RASSF3: variants seen among roughly 807,000 people sequenced by gnomAD.
RASSF3 encodes the protein ras association domain-containing protein 3.
A neutral mutation model predicts 19.9 loss-of-function variants in RASSF3; 19 were observed. The ratio of observed to expected loss-of-function variants is 0.96; its 90% CI spans 0.67 to 1.40. The LOEUF is 1.40. RASSF3 is among the 40% of genes most tolerant of loss of function. The pLI is 0.00. For missense variants in RASSF3, 306 were observed against 289.8 expected (o/e 1.06, Z -0.41); for synonymous variants, 110 against 104.2 (o/e 1.06, Z -0.34).
chr12:64,621,403 T>A (rs1019488472), intron 1 of RASSF3, among the ~76,000 whole-genome samples: 1 of 152,232 alleles, frequency 6.6e-6, no homozygotes, highest in Non-Finnish European at 1.5e-5. Flanking sequence ...TAGATGGTTC[T>A]GCTTTTTTGA....
chr12:64,561,914 C>T (rs76032159), intron 2 of RASSF3, among the ~76,000 whole-genome samples: 2,957 of 151,868 alleles, frequency 0.019, 100 homozygotes, highest in African/African-American at 0.068. Flanking sequence ...AAAGTCTTGA[C>T]CTCGAGTGAT....
At chr12:64,562,457 G>A (rs1410633269) in intron 2 of RASSF3, among the ~76,000 whole-genome samples, 1 of 152,086 alleles carries the variant, frequency 6.6e-6, no homozygotes, top group Non-Finnish European at 1.5e-5. Context: ...ATGAGTGAAT[G>A]AAATGCACTT....
chr12:64,648,449 G>C (rs1592443045), intron 1 of RASSF3, among the ~76,000 whole-genome samples: 1 of 152,076 alleles, frequency 6.6e-6, no homozygotes, highest in South Asian at 2.1e-4. Context: ...ATAGACAGAG[G>C]CTCCCGGCTA....
intron 1 of RASSF3, among the ~76,000 whole-genome samples, chr12:64,614,407 C>A (rs1026878551): frequency 6.6e-6 from 1 of 151,980 alleles, no homozygotes; most frequent in African/African-American, 2.4e-5. Flanking sequence ...GGATTACAGG[C>A]GTGAGCCACC....
chr12:64,657,065 A>C (rs1213855919), intron 1 of RASSF3, among the ~76,000 whole-genome samples: 1 of 149,144 alleles, frequency 6.7e-6, no homozygotes, highest in African/African-American at 2.5e-5. Flanking sequence ...GCTGGAGTGC[A>C]ATGGTGCTAT....
intron 1 of RASSF3, among the ~76,000 whole-genome samples, chr12:64,627,113 T>C (rs946375709): frequency 1.3e-5 from 2 of 152,230 alleles, no homozygotes; most frequent in African/African-American, 4.8e-5. Flanking sequence ...TATTACATAA[T>C]TGTAAGTGTG....
intron 1 of RASSF3, among the ~76,000 whole-genome samples, chr12:64,519,375 C>G (rs1485577699): frequency 6.6e-6 from 1 of 152,028 alleles, no homozygotes; most frequent in African/African-American, 2.4e-5. Flanking sequence ...CCACTGCACT[C>G]CAGCCTGGGT....
intron 4 of RASSF3, among the ~76,000 whole-genome samples, 162 bp downstream of exon 4, chr12:64,691,741 G>GAAGAGAGTTGGAGGGCAGGGGGAT (rs1555217327): frequency 3.9e-5 from 6 of 151,968 alleles, no homozygotes; most frequent in African/African-American, 7.2e-5. Flanking sequence ...GAGAGGGAGA[G>GAAGAGAGTTGGAGGGCAGGGGGAT]GGATTTTGAA....
chr12:64,557,713 A>G (rs1869277673), intron 2 of RASSF3, among the ~76,000 whole-genome samples: 1 of 152,086 alleles, frequency 6.6e-6, no homozygotes, highest in African/African-American at 2.4e-5. Context: ...GATTTAATGC[A>G]TATTCCTCAT....
chr12:64,593,330 TCC>T (rs1468262351), intron 2 of RASSF3, among the ~76,000 whole-genome samples: 1 of 152,216 alleles, frequency 6.6e-6, no homozygotes, highest in African/African-American at 2.4e-5. Context: ...CAAGCAATTC[TCC>T]TGCCTCAGCC....
intron 1 of RASSF3, among the ~76,000 whole-genome samples, chr12:64,522,614 T>G (rs76183212): frequency 1.3e-5 from 2 of 152,112 alleles, no homozygotes; most frequent in African/African-American, 4.8e-5. Flanking sequence ...CCGCCTTAGA[T>G]TTTTTTACTA....
chr12:64,532,686 A>T (rs1868739349), upstream of RASSF3, among the ~76,000 whole-genome samples: 1 of 151,580 alleles, frequency 6.6e-6, no homozygotes, highest in Non-Finnish European at 1.5e-5. Context: ...TTTTTTTTAA[A>T]TTAGGCAGGC....
At chr12:64,532,247 A>G (rs1316200020), upstream of RASSF3, among the ~76,000 whole-genome samples, 1 of 152,216 alleles carries the variant, frequency 6.6e-6, no homozygotes, top group East Asian at 1.9e-4. Flanking sequence ...TGGTTGAAGA[A>G]TGCTGCTGAG....
intron 1 of RASSF3, among the ~76,000 whole-genome samples, chr12:64,527,178 T>C (rs1468052563): frequency 6.6e-6 from 1 of 152,300 alleles, no homozygotes; most frequent in East Asian, 1.9e-4. Flanking sequence ...TGCAGAATCC[T>C]ATCATTGAGT....
At chr12:64,582,046 A>C (rs1048171032) in intron 2 of RASSF3, among the ~76,000 whole-genome samples, 7 of 151,738 alleles carry the variant, frequency 4.6e-5, no homozygotes, top group Non-Finnish European at 1.0e-4. Flanking sequence ...TTTTTTAGAG[A>C]GATGCGGTTG....
chr12:64,630,893 A>G (rs1361939732), intron 1 of RASSF3, among the ~76,000 whole-genome samples: 2 of 152,204 alleles, frequency 1.3e-5, no homozygotes, highest in Non-Finnish European at 2.9e-5. Context: ...AGACACATTC[A>G]GGCAATCAAT....
At chr12:64,593,437 T>C (rs985422250) in intron 2 of RASSF3, among the ~76,000 whole-genome samples, 8 of 152,048 alleles carry the variant, frequency 5.3e-5, no homozygotes, top group Non-Finnish European at 8.8e-5. Flanking sequence ...GCCCAGCTGG[T>C]CTTGAACTCC....
chr12:64,513,803 C>G (rs1287719602), intron 1 of RASSF3, among the ~76,000 whole-genome samples: 1 of 152,116 alleles, frequency 6.6e-6, no homozygotes. Context: ...CCAGAGGAAC[C>G]GTGCAGTATC....
intron 1 of RASSF3, among the ~76,000 whole-genome samples, chr12:64,612,676 A>G (rs1344731890): frequency 1.3e-5 from 2 of 151,946 alleles, no homozygotes; most frequent in African/African-American, 4.8e-5. Flanking sequence ...GGATTTAACC[A>G]TGTTGGCCAG....
Sources: gnomAD v4.1 joint callset for allele counts (sites outside exome capture counted in the v4.1 genomes callset) on GRCh38, gnomAD v4.1.1 for gene constraint, MANE v1.5 for transcripts, NCBI Gene and HGNC (gene_info 2026-07-23, HGNC 2026-07-21) for gene names.